Variants in CEP104 observed in about 807,000 individuals in gnomAD.
CEP104 encodes centrosomal protein 104.
A neutral mutation model predicts 113.3 loss-of-function variants in CEP104; 84 were observed. The observed-to-expected ratio is 0.74, with a 90% CI of 0.62 to 0.89. The LOEUF is 0.89. Among genes scored for constraint, CEP104 ranks in the 40% least tolerant of loss-of-function variants. The pLI is 0.00. For synonymous variants in CEP104, 378 were observed against 421.7 expected (o/e 0.90, Z 1.27); for missense variants, 1,053 against 1,156.6 (o/e 0.91, Z 1.30).
At position 3,825,757 on chromosome 1, in the gene CEP104, C is replaced by T. The variant is rs745926725; in HGVS notation, c.2364+1G>A. On this transcript the variant is annotated splice_donor_variant, in intron 18 of 21. Coordinates refer to ENST00000378230, the MANE Select transcript of CEP104 (RefSeq NM_014704.4). LOFTEE classifies it high-confidence loss of function. Reference sequence around the variant, plus strand: ...GCTGGCTGCTGTGCCGCTGGCCTGACCTGTTTGCAGTGGTCACATCTTGTC... The same window carrying T: ...GCTGGCTGCTGTGCCGCTGGCCTGATCTGTTTGCAGTGGTCACATCTTGTC... 34 of 1,605,030 alleles carry T rather than the reference C, an allele frequency of 2.1e-5. No homozygotes were observed. The highest frequency in any genetic ancestry group is 2.7e-5 in the Non-Finnish European group (32 of 1,171,708).
Position 3,823,204 on chromosome 1 carries a change from CAG to C in CEP104, c.2539_2540del (p.Leu847ValfsTer3), listed in dbSNP as rs1469740370. The C allele has an allele frequency of 6.2e-7, 1 of 1,614,094 alleles. No individual in the cohort carries two copies. Among genetic ancestry groups the C allele is most frequent in the African/African-American group, 1.3e-5 (1 of 74,936 alleles). ...CTCCAGGGCTGAAGTTCTCATGACA[CAG>C]GGGACACCGGTTTGCCAGCTTCTCC... ...KPEKLANRCP[L>X]CHENFSPGEE... On this transcript the variant is annotated frameshift_variant, in exon 20 of 22. Transcript: ENST00000378230. LOFTEE classifies it high-confidence loss of function. The surrounding 1 kb of genome is among the most constrained non-coding windows in gnomAD (Gnocchi z 4.1).
At position 3,815,374 on chromosome 1, in the gene CEP104, A is replaced by G. The variant is rs1053604661; in HGVS notation, c.*28T>C. ...AATCAGGAGACCCGCTCCATCCCTC[A>G]CAGAGACCAAGGAGCCCGAGCGCCG... On this transcript the variant is annotated 3_prime_UTR_variant, in exon 22 of 22. Transcript: ENST00000378230. 6.6e-7 allele frequency: 1 copy of G among 1,523,392 alleles called. No individual in the cohort carries two copies. The highest frequency in any genetic ancestry group is 9.0e-7 in the Non-Finnish European group (1 of 1,111,788). The allele number at this position is 1,523,392 out of a possible 1,614,324, so 94.4% of individuals were successfully genotyped here.
rs373264198 is a variant in CEP104, at chr1:3,831,073, C to A, written c.1809G>T (p.Ser603=). The change falls in exon 13 of 22, where the codon TCG becomes TCT. Residue 603 remains serine (S), a synonymous_variant. Coordinates refer to ENST00000378230, the MANE Select transcript of CEP104 (RefSeq NM_014704.4). The part of the protein sequence containing the change: ...RLLKDLGTGS[S]GFTIDNVMKF... ...TCATCACGTTGTCAATGGTGAAGCC[C>A]GAGCTGCCAGTGCCCAGGTCTTTCA... 1.9e-6 allele frequency: 3 copies of A among 1,613,984 alleles called. No individual in the cohort carries two copies. The highest frequency in any genetic ancestry group is 4.5e-5 in the East Asian group (2 of 44,870).
chr1:3,835,883 A>G (rs1289255284), intron 10 of CEP104, among the ~76,000 whole-genome samples: 1 of 152,078 alleles, frequency 6.6e-6, no homozygotes, highest in Non-Finnish European at 1.5e-5. Context: ...AAGGGCAGGC[A>G]CGGTGGCTAA....
In CEP104 at chr1:3,816,276, T is replaced by C. The variant is rs1329591569; in HGVS notation, c.2662+4A>G. The C allele has an allele frequency of 6.4e-7, 1 of 1,551,194 alleles. No individual in the cohort carries two copies. On this transcript the variant is annotated splice_donor_region_variant and intron_variant, in intron 21 of 21. Transcript: ENST00000378230. ...TACACCTGCTCAGCGGCGCTGTCCC[T>C]CACCTGGCTGCAGTGCCGGGGCCTT... is the stretch of plus-strand genomic sequence containing the variant.
chr1:3,844,782 A>G, intron 6 of CEP104, 125 bp downstream of exon 6: 1 of 635,826 alleles, frequency 1.6e-6, no homozygotes, highest in East Asian at 2.7e-5. Flanking sequence ...CAATCCAATC[A>G]GTGGCTTATC....
In CEP104 at chr1:3,847,590, T is replaced by G; in HGVS notation, c.311A>C (p.Glu104Ala). 6.2e-7 allele frequency: 1 copy of G among 1,614,174 alleles called. No homozygotes were observed. The highest frequency in any genetic ancestry group is 1.1e-5 in the South Asian group (1 of 91,068). The change falls in exon 4 of 22, where the codon GAA (glutamate) becomes GCA (alanine). Residue 104 changes from glutamate (E) to alanine (A), a missense_variant. By Grantham distance (107) the Glu-to-Ala change is moderately radical. Transcript: ENST00000378230. ...TTCCCGGGCTTTGCAACCTGTCTTT[T>G]CATTATCACAGAGAGACACGTAGCT... is the stretch of plus-strand genomic sequence containing the variant. Reference protein sequence around the residue: ...RLGYVSLCDNEKTGCKARELK... With the variant: ...RLGYVSLCDNAKTGCKARELK...
chr1:3,826,628 T>G, intron 16 of CEP104, 80 bp downstream of exon 16: 1 of 1,525,950 alleles, frequency 6.6e-7, no homozygotes, highest in Non-Finnish European at 9.1e-7. Flanking sequence ...CGTTCCCACA[T>G]GGAGCTTCCA....
At position 3,819,011 on chromosome 1, in the gene CEP104, C is replaced by T. The variant is rs925351203; in HGVS notation, c.2572-2641G>A. 4.6e-5 allele frequency among the ~76,000 whole-genome samples: 7 copies of T among 152,208 alleles called. No individual in the cohort carries two copies. The highest frequency in any genetic ancestry group is 1.4e-4 in the African/African-American group (6 of 41,448). On this transcript the variant is annotated intron_variant, in intron 20 of 21. Transcript: ENST00000378230. This position sits in a 1 kb window ranked among gnomAD's most constrained non-coding sequence, Gnocchi z 4.6. ...TTCACATTTGAATCTCAGATCCACT[C>T]GGAGCTTTCTTCTGAGCAGTGTGGA...
At chr1:3,835,461 C>T (rs922863214) in intron 10 of CEP104, among the ~76,000 whole-genome samples, 2 of 152,196 alleles carry the variant, frequency 1.3e-5, no homozygotes, top group Non-Finnish European at 1.5e-5. Flanking sequence ...CCTCTGTCCC[C>T]CTGCGGGTTC....
intron 4 of CEP104, among the ~76,000 whole-genome samples, chr1:3,846,655 G>A (rs1310469964): frequency 4.6e-5 from 7 of 152,194 alleles, no homozygotes; most frequent in African/African-American, 1.7e-4. Context: ...ACAGGGTTAA[G>A]ACTCATTCTT....
Position 3,852,362 on chromosome 1 carries a change from C to T in CEP104, c.46G>A (p.Glu16Lys), listed in dbSNP as rs200997681. Residue 16 changes from glutamate (E) to lysine (K), a missense_variant, in exon 2 of 22, where the codon GAA (glutamate) becomes AAA (lysine). Transcript: ENST00000378230. ...AGCTCCCGGGCACTGAAGCCGTCTT[C>T]GTGTCCAGATGAGCTGACGACTACA... ...GFVVVSSSGH[E>K]DGFSARELMI... 38 of 1,614,122 alleles carry T rather than the reference C, an allele frequency of 2.4e-5. No homozygotes were observed. The highest frequency in any genetic ancestry group is 4.0e-5 in the African/African-American group (3 of 75,056).
chr1:3,821,355 T>C (rs1643969160), intron 20 of CEP104, among the ~76,000 whole-genome samples: 1 of 152,210 alleles, frequency 6.6e-6, no homozygotes, highest in Non-Finnish European at 1.5e-5. Flanking sequence ...ATAACGACAC[T>C]ACAGACAAAA....
chr1:3,827,919 G>A (rs373977440), intron 15 of CEP104, among the ~76,000 whole-genome samples: 3 of 152,212 alleles, frequency 2.0e-5, no homozygotes, highest in East Asian at 3.9e-4. Flanking sequence ...GCCAGATGGC[G>A]CCTGGCACGG....
At chr1:3,816,777 G>A (rs561784307) in intron 20 of CEP104, among the ~76,000 whole-genome samples, 1 of 152,370 alleles carries the variant, frequency 6.6e-6, no homozygotes, top group East Asian at 1.9e-4. Flanking sequence ...TGCTGCCCAC[G>A]GTTCCTCGTG....
chr1:3,817,522 C>A (rs1346756074), intron 20 of CEP104, among the ~76,000 whole-genome samples: 2 of 152,162 alleles, frequency 1.3e-5, no homozygotes, highest in African/African-American at 4.8e-5. Context: ...GCAGCCCCAG[C>A]CCAGCCCACT....
chr1:3,842,971 A>T (rs962604894), intron 6 of CEP104: 1 of 363,722 alleles, frequency 2.7e-6, no homozygotes, highest in Admixed American at 4.6e-5. Flanking sequence ...TGTTTTTATT[A>T]GAGAAGGAGT....
chr1:3,843,348 C>G (rs760933401), intron 6 of CEP104: 1 of 511,352 alleles, frequency 2.0e-6, no homozygotes, highest in Non-Finnish European at 3.6e-6. Context: ...AAAGAGGAAG[C>G]GGCAACAGCA....
chr1:3,822,210 A>G (rs1344123052), intron 20 of CEP104, among the ~76,000 whole-genome samples: 1 of 81,490 alleles, frequency 1.2e-5, no homozygotes, highest in East Asian at 3.5e-4. Context: ...TGCATTTCAA[A>G]CTCTGAGAGA....
Sources: allele counts gnomAD v4.1 joint callset (sites outside exome capture counted in the v4.1 genomes callset), GRCh38; gene constraint gnomAD v4.1.1; non-coding constraint Gnocchi (gnomAD v3.1); transcripts MANE v1.5; gene names NCBI Gene and HGNC (gene_info 2026-07-23, HGNC 2026-07-21).